Variants in BRD4 observed in about 807,000 individuals in gnomAD.
The protein encoded by BRD4 is bromodomain containing 4.
BRD4 carries 16 observed loss-of-function variants against 142.1 expected under a neutral mutation model. That is an observed-to-expected ratio of 0.11 (90% CI 0.08 to 0.17). The LOEUF (loss-of-function observed/expected upper bound fraction) is 0.17, where lower values mean the gene tolerates loss of function less well. Among genes scored for constraint, BRD4 ranks in the 10% least tolerant of loss-of-function variants. The pLI is 1.00. For synonymous variants in BRD4, 833 were observed against 707.5 expected (o/e 1.18, Z -2.82); for missense variants, 1,424 against 1,810.9 (o/e 0.79, Z 3.88).
At chr19:15,263,079 G>A (rs545963778) in intron 7 of BRD4, among the ~76,000 whole-genome samples, 9 of 152,134 alleles carry the variant, frequency 5.9e-5, no homozygotes, top group Non-Finnish European at 1.2e-4. Flanking sequence ...GACTGTGACA[G>A]CGACTTCTCG....
chr19:15,300,018 G>C (rs1045137110), intron 1 of BRD4, among the ~76,000 whole-genome samples: 1 of 151,922 alleles, frequency 6.6e-6, no homozygotes, highest in Non-Finnish European at 1.5e-5. Context: ...GCTGAGGTGA[G>C]AGGATCACTT....
Position 15,255,574 on chromosome 19 carries a change from G to A in BRD4, c.1770C>T (p.Pro590=). 1.2e-6 allele frequency: 2 copies of A among 1,607,314 alleles called. No individual in the cohort carries two copies. Among genetic ancestry groups the A allele is most frequent in the South Asian group, 1.1e-5 (1 of 90,960 alleles). ...NSNVSKKEPA[P]MKSKPPPTYE... Reference sequence around the variant, plus strand: ...ACGTGGGAGGGGGCTTGCTCTTCATGGGCGCTGGCTCCTTCTTGCTACGAA... The same window carrying A: ...ACGTGGGAGGGGGCTTGCTCTTCATAGGCGCTGGCTCCTTCTTGCTACGAA... Residue 590 remains proline (P), a synonymous_variant, in exon 10 of 20, where the codon CCC becomes CCT. Coordinates refer to ENST00000679869, the MANE Select transcript of BRD4 (RefSeq NM_001379291.1).
chr19:15,288,697 G>A (rs1252017687), intron 1 of BRD4, among the ~76,000 whole-genome samples: 7 of 152,224 alleles, frequency 4.6e-5, no homozygotes, highest in Admixed American at 3.9e-4. Context: ...CAGGGCCGCC[G>A]AAGGGAGGAA....
intron 11 of BRD4, chr19:15,246,724 G>C (rs2047290899): frequency 6.6e-6 from 1 of 152,418 alleles, no homozygotes; most frequent in South Asian, 2.1e-4. Flanking sequence ...CCTGTGGGGG[G>C]TTCCAGGGGG....
At position 15,237,631 on chromosome 19, in the gene BRD4, G is replaced by GA. The variant is rs562862448; in HGVS notation, c.*745dup. On this transcript the variant is annotated 3_prime_UTR_variant, in exon 20 of 20. Coordinates refer to ENST00000679869, the MANE Select transcript of BRD4 (RefSeq NM_001379291.1). ...ACAAAAAATATATATAGAAAAAAAA[G>GA]AAAAAAAAAAACGAAACAGAAACAC... 10,197 of 172,798 alleles carry GA rather than the reference G, an allele frequency of 0.059. 33 individuals are homozygous for GA. Among genetic ancestry groups the GA allele is most frequent in the Middle Eastern group, 0.11 (50 of 466 alleles). The allele number at this position is 172,798 out of a possible 1,614,324, so 10.7% of individuals were successfully genotyped here.
Position 15,238,288 on chromosome 19 carries a change from C to T in BRD4, c.*89G>A. The T allele has an allele frequency of 1.3e-6, 2 of 1,581,370 alleles. No homozygotes were observed. Among genetic ancestry groups the T allele is most frequent in the Non-Finnish European group, 1.7e-6 (2 of 1,162,218 alleles). Reference sequence around the variant, plus strand: ...GGCCAGGCCCTGAGGCATCCCCTGGCCGCTGATCCCACCTCCACCACCGCC... The same window carrying T: ...GGCCAGGCCCTGAGGCATCCCCTGGTCGCTGATCCCACCTCCACCACCGCC... On this transcript the variant is annotated 3_prime_UTR_variant, in exon 20 of 20. Coordinates refer to ENST00000679869, the MANE Select transcript of BRD4 (RefSeq NM_001379291.1). The surrounding 1 kb of genome is among the most constrained non-coding windows in gnomAD (Gnocchi z 7.2).
intron 1 of BRD4, among the ~76,000 whole-genome samples, chr19:15,285,956 G>A (rs982647650): frequency 1.3e-5 from 2 of 152,146 alleles, no homozygotes; most frequent in African/African-American, 2.4e-5. Context: ...GCAACATGCT[G>A]GCAGCATGAG....
rs2145515422 is a variant in BRD4 at position 15,244,269 on chromosome 19, G to A, written c.2543C>T (p.Pro848Leu). The A allele has an allele frequency of 6.3e-7, 1 of 1,586,056 alleles. No individual in the cohort carries two copies. The highest frequency in any genetic ancestry group is 8.6e-7 in the Non-Finnish European group (1 of 1,168,468). The change falls in exon 13 of 20, where the codon CCA (proline) becomes CTA (leucine). Residue 848 changes from proline (P) to leucine (L), a missense_variant. Coordinates refer to ENST00000679869, the MANE Select transcript of BRD4 (RefSeq NM_001379291.1). ...HLPQPPEHST[P>L]PHLNQHAVVS... The stretch of plus-strand genomic sequence containing the variant: ...CACTGCGTGCTGGTTGAGATGGGGT[G>A]GAGTGCTGTGCTCAGGCGGCTGGGG...
chr19:15,274,776 C>G (rs367782727), intron 1 of BRD4, among the ~76,000 whole-genome samples: 3 of 152,250 alleles, frequency 2.0e-5, no homozygotes, highest in African/African-American at 7.2e-5. Flanking sequence ...AGCCAAGGGA[C>G]AAAAACTCAT....
At chr19:15,282,889 C>T (rs1391882732) in intron 1 of BRD4, among the ~76,000 whole-genome samples, 2 of 152,164 alleles carry the variant, frequency 1.3e-5, no homozygotes, top group African/African-American at 4.8e-5. Flanking sequence ...ATTGCTTGAG[C>T]TCAGCAAGGC....
intron 1 of BRD4, among the ~76,000 whole-genome samples, chr19:15,296,248 A>C (rs923686933): frequency 3.3e-5 from 5 of 152,082 alleles, no homozygotes; most frequent in African/African-American, 1.2e-4. Context: ...GCGAGACTCC[A>C]TCTCAAAATA....
At chr19:15,316,189 A>G (rs2048016900) in intron 1 of BRD4, among the ~76,000 whole-genome samples, 1 of 150,850 alleles carries the variant, frequency 6.6e-6, no homozygotes, top group South Asian at 2.1e-4. Context: ...AAGACTGAGA[A>G]GCTCACCATA....
Position 15,325,997 on chromosome 19 carries a change from C to CAAAA in BRD4, c.-35+6289_-35+6292dup, listed in dbSNP as rs35801340. Among the ~76,000 whole-genome samples the CAAAA allele has an allele frequency of 5.4e-3, 262 of 48,348 alleles. 2 individuals are homozygous for CAAAA. Among genetic ancestry groups the CAAAA allele is most frequent in the Middle Eastern group, 0.012 (1 of 82 alleles). The allele number at this position is 48,348 out of a possible 152,430, so 31.7% of individuals were successfully genotyped here. On this transcript the variant is annotated intron_variant, in intron 1 of 19. Transcript: ENST00000679869. ...TGGGCAACAGAGCAAGACTCCGTCT[C>CAAAA]AAAAAAAAAAAAAAAAAAAAAGAAA... is the stretch of plus-strand genomic sequence containing the variant.
intron 1 of BRD4, among the ~76,000 whole-genome samples, chr19:15,316,435 C>CA (rs1187720447): frequency 1.3e-5 from 2 of 151,612 alleles, no homozygotes; most frequent in Admixed American, 6.6e-5. Flanking sequence ...AATAAAAATA[C>CA]AAAAAAACAG....
intron 3 of BRD4, 87 bp from the exon 4 acceptor site, chr19:15,267,638 C>T (rs1324300262): frequency 1.4e-6 from 2 of 1,471,074 alleles, no homozygotes; most frequent in South Asian, 2.5e-5. Flanking sequence ...CCACCCCCTG[C>T]CCCCAAAACA....
At chr19:15,322,294 T>C (rs1205325750) in intron 1 of BRD4, among the ~76,000 whole-genome samples, 1 of 152,136 alleles carries the variant, frequency 6.6e-6, no homozygotes, top group Non-Finnish European at 1.5e-5. Flanking sequence ...TCTTCTGAGA[T>C]GGAGTCTCGC....
Position 15,238,816 on chromosome 19 carries a change from T to A in BRD4, c.3947A>T (p.Gln1316Leu), listed in dbSNP as rs2047213875. 6.2e-7 allele frequency: 1 copy of A among 1,603,520 alleles called. No homozygotes were observed. The highest frequency in any genetic ancestry group is 8.5e-7 in the Non-Finnish European group (1 of 1,174,204). ...AAATPQAQSS[Q>L]PQSMLDQQRE... Reference sequence around the variant, plus strand: ...CTGCTGGTCCAGCATGGACTGGGGCTGGGAGCTCTGGGCCTGTGGGGTGGC... The same window carrying A: ...CTGCTGGTCCAGCATGGACTGGGGCAGGGAGCTCTGGGCCTGTGGGGTGGC... Residue 1316 changes from glutamine (Q) to leucine (L), a missense_variant, in exon 19 of 20, where the codon CAG becomes CTG. Physicochemically the swap from Gln to Leu is moderately radical, Grantham distance 113. Around this residue, in one of 16 missense-constraint regions of BRD4, gnomAD observed 109 missense variants for 117.9 expected, o/e 0.92. Transcript: ENST00000679869. This position sits in a 1 kb window ranked among gnomAD's most constrained non-coding sequence, Gnocchi z 7.2.
At chr19:15,306,084 C>T (rs550568503) in intron 1 of BRD4, among the ~76,000 whole-genome samples, 2 of 152,318 alleles carry the variant, frequency 1.3e-5, no homozygotes, top group Admixed American at 6.5e-5. Flanking sequence ...GGGAATATTG[C>T]AGCTGACCTG....
chr19:15,273,484 G>A (rs1226270725), intron 1 of BRD4, among the ~76,000 whole-genome samples: 1 of 152,222 alleles, frequency 6.6e-6, no homozygotes, highest in African/African-American at 2.4e-5. Context: ...CCACCTGTGA[G>A]TTTTTAGGAG....
Sources: gnomAD v4.1 joint callset for allele counts (sites outside exome capture counted in the v4.1 genomes callset) on GRCh38, gnomAD v4.1.1 for gene constraint, gnomAD v4.1.1 regional missense constraint, Gnocchi (gnomAD v3.1) non-coding constraint, MANE v1.5 for transcripts, NCBI Gene and HGNC (gene_info 2026-07-23, HGNC 2026-07-21) for gene names.